Variants in PPP6R3 observed in about 807,000 individuals in gnomAD.
The protein encoded by PPP6R3 is protein phosphatase 6 regulatory subunit 3.
In PPP6R3, 38 loss-of-function variants were observed where a neutral mutation model predicts 110.7. The observed-to-expected ratio is 0.34, with a 90% CI of 0.26 to 0.45. The LOEUF (loss-of-function observed/expected upper bound fraction) is 0.45. Among genes scored for constraint, PPP6R3 ranks in the 20% least tolerant of loss-of-function variants. PPP6R3 has a pLI of 1.00. For synonymous variants in PPP6R3, 369 were observed against 373.5 expected (o/e 0.99, Z 0.14); for missense variants, 870 against 1,062.4 (o/e 0.82, Z 2.52).
At position 68,574,129 on chromosome 11, in the gene PPP6R3, A is replaced by G. The variant is rs762588424; in HGVS notation, c.1364A>G (p.His455Arg). ...EKKQAEGGRR[H>R]GYMGHLTRIA... ...GTCAGGGCTGAGGGAGGAAGACGGC[A>G]TGGTTACATGGGACACCTAACGAGG... Residue 455 changes from histidine to arginine, a missense_variant, in exon 13 of 24, where the codon CAT (histidine) becomes CGT (arginine). Physicochemically the swap from His to Arg is conservative, Grantham distance 29 (BLOSUM62 0). Transcript: ENST00000393800. The G allele has an allele frequency of 1.4e-5, 23 of 1,613,892 alleles. No homozygotes were observed. The highest frequency in any genetic ancestry group is 1.9e-5 in the Non-Finnish European group (22 of 1,179,880).
At chr11:68,527,655 C>T (rs900579260) in intron 2 of PPP6R3, among the ~76,000 whole-genome samples, 1 of 152,194 alleles carries the variant, frequency 6.6e-6, no homozygotes, top group Non-Finnish European at 1.5e-5. Flanking sequence ...TTTGTTGAAT[C>T]TCTGCTGTAG....
intron 4 of PPP6R3, 45 bp downstream of exon 4, chr11:68,545,069 C>G: frequency 6.9e-7 from 1 of 1,439,660 alleles, no homozygotes; most frequent in Non-Finnish European, 9.6e-7. Context: ...CTGATCATCC[C>G]CTTGAGGTGA....
chr11:68,522,452 A>G (rs2099168718), intron 2 of PPP6R3: 1 of 152,260 alleles, frequency 6.6e-6, no homozygotes, highest in Non-Finnish European at 1.5e-5. Flanking sequence ...ACAGCTATCC[A>G]GTGTTCAGTA....
At chr11:68,468,965 C>T (rs542249257) in intron 1 of PPP6R3, among the ~76,000 whole-genome samples, 4 of 152,284 alleles carry the variant, frequency 2.6e-5, no homozygotes, top group South Asian at 2.1e-4. Context: ...TAATCACATA[C>T]GCCTTGAAGG....
intron 1 of PPP6R3, among the ~76,000 whole-genome samples, chr11:68,494,076 C>G (rs1414431303): frequency 1.4e-5 from 2 of 142,780 alleles, no homozygotes; most frequent in East Asian, 4.0e-4. Flanking sequence ...GTACTCCAGC[C>G]TGGGCAGCTG....
intron 22 of PPP6R3, among the ~76,000 whole-genome samples, chr11:68,603,792 C>G (rs920491769): frequency 2.0e-5 from 3 of 152,084 alleles, no homozygotes; most frequent in Non-Finnish European, 2.9e-5. Context: ...GTGTAACAGG[C>G]TACAGAGCAT....
chr11:68,588,148 C>T (rs1042123437), intron 16 of PPP6R3, 124 bp downstream of exon 16: 34 of 831,336 alleles, frequency 4.1e-5, no homozygotes, highest in South Asian at 1.2e-4. Flanking sequence ...GCTCTTTCCA[C>T]GGTGTTCCTC....
intron 1 of PPP6R3, among the ~76,000 whole-genome samples, chr11:68,465,216 C>G (rs755961668): frequency 6.6e-6 from 1 of 152,160 alleles, no homozygotes; most frequent in Non-Finnish European, 1.5e-5. Flanking sequence ...AAGACCTATT[C>G]CCAGAGAATT....
chr11:68,554,325 T>C (rs948689301), intron 7 of PPP6R3, 68 bp downstream of exon 7: 15 of 1,256,656 alleles, frequency 1.2e-5, no homozygotes, highest in Non-Finnish European at 1.7e-5. Flanking sequence ...CCATTGTGAG[T>C]GATTGGTAAG....
At chr11:68,464,031 A>G (rs1407018929) in intron 1 of PPP6R3, among the ~76,000 whole-genome samples, 1 of 152,206 alleles carries the variant, frequency 6.6e-6, no homozygotes, top group African/African-American at 2.4e-5. Context: ...ACTTAGATAG[A>G]TGTGAGACTG....
At chr11:68,493,348 TTC>T (rs1166604334) in intron 1 of PPP6R3, among the ~76,000 whole-genome samples, 3 of 152,172 alleles carry the variant, frequency 2.0e-5, no homozygotes, top group Non-Finnish European at 2.9e-5. Flanking sequence ...ATCACTATTA[TTC>T]TTTGTATAAA....
intron 18 of PPP6R3, among the ~76,000 whole-genome samples, chr11:68,594,516 T>C (rs2099607572): frequency 6.6e-6 from 1 of 152,152 alleles, no homozygotes; most frequent in Non-Finnish European, 1.5e-5. Flanking sequence ...AGAAAAAATT[T>C]AAATATGTAG....
chr11:68,586,316 A>AT (rs1157523582), intron 15 of PPP6R3: 1 of 152,090 alleles, frequency 6.6e-6, no homozygotes, highest in Non-Finnish European at 1.5e-5. Flanking sequence ...AGAAGAACTG[A>AT]TTTCTTTTTG....
intron 1 of PPP6R3, among the ~76,000 whole-genome samples, chr11:68,464,806 T>C (rs775912525): frequency 3.0e-4 from 45 of 152,292 alleles, no homozygotes; most frequent in Non-Finnish European, 6.2e-4. Context: ...CTTACACTAC[T>C]GTAATTTTTG....
intron 14 of PPP6R3, among the ~76,000 whole-genome samples, chr11:68,580,411 G>A (rs556061247): frequency 6.6e-6 from 1 of 152,312 alleles, no homozygotes; most frequent in African/African-American, 2.4e-5. Flanking sequence ...GAGCTAGGAG[G>A]AGGGAGACTG....
At chr11:68,511,745 T>C (rs1301927803) in intron 1 of PPP6R3, among the ~76,000 whole-genome samples, 1 of 149,842 alleles carries the variant, frequency 6.7e-6, no homozygotes, top group East Asian at 2.0e-4. Context: ...CCTCCCAAAG[T>C]GCTGGGATTA....
At chr11:68,567,265 C>G in intron 10 of PPP6R3, 99 bp downstream of exon 10, 2 of 1,281,448 alleles carry the variant, frequency 1.6e-6, no homozygotes, top group Admixed American at 3.0e-5. Context: ...ATGTCAGTGA[C>G]TTTTCTTGGT....
At chr11:68,523,620 G>A (rs2099175942) in intron 2 of PPP6R3, among the ~76,000 whole-genome samples, 1 of 151,482 alleles carries the variant, frequency 6.6e-6, no homozygotes, top group Admixed American at 6.6e-5. Flanking sequence ...ACCACTCATT[G>A]TGATGGCCTG....
chr11:68,594,299 GGAGAGAGA>G, intron 18 of PPP6R3, among the ~76,000 whole-genome samples: 1 of 139,310 alleles, frequency 7.2e-6, no homozygotes, highest in Non-Finnish European at 1.6e-5. Flanking sequence ...AGAGGAGAGA[GGAGAGAGA>G]GAGAGAGAGA....
Sources: gnomAD v4.1 joint callset for allele counts (sites outside exome capture counted in the v4.1 genomes callset) on GRCh38, gnomAD v4.1.1 for gene constraint, MANE v1.5 for transcripts, NCBI Gene and HGNC (gene_info 2026-07-23, HGNC 2026-07-21) for gene names.